Variants in GREB1 observed in about 807,000 individuals in gnomAD.
The protein encoded by GREB1 is protein GREB1.
GREB1 carries 106 observed loss-of-function variants against 200.7 expected under a neutral mutation model. That is an observed-to-expected ratio of 0.53 (90% CI 0.45 to 0.62). The LOEUF is 0.62. Among genes scored for constraint, GREB1 ranks in the 20% least tolerant of loss-of-function variants. The pLI is 0.00. For synonymous variants in GREB1, 1,132 were observed against 1,092.4 expected (o/e 1.04, Z -0.72); for missense variants, 2,243 against 2,556.8 (o/e 0.88, Z 2.65).
intron 10 of GREB1, 38 bp downstream of exon 10, chr2:11,588,969 T>C: frequency 1.3e-6 from 2 of 1,564,188 alleles, no homozygotes; most frequent in Non-Finnish European, 1.8e-6. Flanking sequence ...TGGCAGGGAG[T>C]GGCCACAGCC....
chr2:11,600,441 G>A (rs748747342), intron 15 of GREB1, among the ~76,000 whole-genome samples: 3 of 152,210 alleles, frequency 2.0e-5, no homozygotes, highest in Non-Finnish European at 4.4e-5. Flanking sequence ...GAAGGACTGT[G>A]TAAGGAGATA....
chr2:11,556,449 G>A lies in GREB1; in HGVS notation c.-161-5G>A, dbSNP rs768004847. The A allele has an allele frequency of 5.0e-5, 26 of 525,138 alleles. No homozygotes were observed. In the East Asian group the frequency reaches 5.3e-4, roughly 11 times the overall value. 32.5% of individuals were successfully genotyped at this position (525,138 alleles called of 1,614,324 possible). A position where few individuals can be genotyped will look rare whatever the true frequency, so the allele number is the denominator to read the frequency against. ...CTTATATAACTTCCTGTAATTGCCCGGCAGTAGCTGCAGCTGAGGACAGCC... is the reference window on the plus strand; with the variant it reads ...CTTATATAACTTCCTGTAATTGCCCAGCAGTAGCTGCAGCTGAGGACAGCC... On this transcript the variant is annotated splice_region_variant and splice_polypyrimidine_tract_variant and intron_variant, in intron 1 of 32. Coordinates refer to ENST00000381486, the MANE Select transcript of GREB1 (RefSeq NM_014668.4).
Position 11,627,075 on chromosome 2 carries a change from C to T in GREB1, c.4420C>T (p.Gln1474Ter). Reference protein sequence around the residue: ...NTYHHCEQCHQYMGFHPRYQL... With the variant: ...NTYHHCEQCH ...TTACCACCACTGTGAGCAGTGCCAC[C>T]AGTACATGGGCTTCCACCCCCGCTA... Residue 1474 changes from glutamine (Q) to a stop codon, truncating the protein, a stop_gained, in exon 25 of 33, where the codon CAG (glutamine) becomes TAG (stop). Coordinates refer to ENST00000381486, the MANE Select transcript of GREB1 (RefSeq NM_014668.4). LOFTEE classifies it high-confidence loss of function. The T allele has an allele frequency of 6.2e-7, 1 of 1,611,392 alleles. No homozygotes were observed.
chr2:11,607,477 C>T (rs1280451032), intron 17 of GREB1, among the ~76,000 whole-genome samples: 1 of 144,788 alleles, frequency 6.9e-6, no homozygotes, highest in Non-Finnish European at 1.5e-5. Flanking sequence ...TATATACACA[C>T]ACATACATAT....
intron 4 of GREB1, among the ~76,000 whole-genome samples, chr2:11,568,781 G>A (rs1169977201): frequency 6.6e-6 from 1 of 152,258 alleles, no homozygotes; most frequent in African/African-American, 2.4e-5. Context: ...ATCGAGGAGA[G>A]GAAGTGTAGG....
intron 1 of GREB1, among the ~76,000 whole-genome samples, chr2:11,506,809 A>C (rs895599216): frequency 6.6e-6 from 1 of 152,138 alleles, no homozygotes; most frequent in African/African-American, 2.4e-5. Context: ...GGAGGAGCCA[A>C]CTTCCAGTCC....
intron 7 of GREB1, 169 bp downstream of exon 7, chr2:11,581,001 G>C (rs1343808208): frequency 9.9e-6 from 8 of 809,784 alleles, no homozygotes; most frequent in Non-Finnish European, 1.7e-5. Flanking sequence ...GTGGGTCTGG[G>C]CCCAGGCCCT....
At chr2:11,518,747 CAA>C (rs11417674) in intron 1 of GREB1, among the ~76,000 whole-genome samples, 18 of 102,482 alleles carry the variant, frequency 1.8e-4, no homozygotes, top group South Asian at 3.4e-4. Flanking sequence ...AAGTGAAATA[CAA>C]AAAAAAAAAA....
chr2:11,603,068 C>T (rs140284604), intron 17 of GREB1, among the ~76,000 whole-genome samples: 63 of 152,330 alleles, frequency 4.1e-4, no homozygotes, highest in African/African-American at 1.4e-3. Context: ...TCTCAGGCTA[C>T]GTGTCTAGCA....
chr2:11,505,183 C>T (rs758411494), intron 1 of GREB1, among the ~76,000 whole-genome samples: 2 of 152,114 alleles, frequency 1.3e-5, no homozygotes, highest in South Asian at 2.1e-4. Context: ...CCACCTGCCT[C>T]GGCCTCCCAA....
chr2:11,513,774 T>C (rs1403805661), intron 1 of GREB1, among the ~76,000 whole-genome samples: 1 of 152,152 alleles, frequency 6.6e-6, no homozygotes, highest in Non-Finnish European at 1.5e-5. Context: ...GCCTGGTCCT[T>C]CTTGGTACCG....
At chr2:11,540,176 G>A (rs756759479) in intron 1 of GREB1, 5 of 152,248 alleles carry the variant, frequency 3.3e-5, no homozygotes, top group Non-Finnish European at 7.3e-5. Flanking sequence ...GTTGACTTAC[G>A]AAGACAGCTG....
chr2:11,574,502 C>T (rs1313510099), intron 4 of GREB1, among the ~76,000 whole-genome samples: 4 of 151,932 alleles, frequency 2.6e-5, no homozygotes, highest in African/African-American at 4.8e-5. Context: ...GCAGTGGGAG[C>T]GGGCTGGGTT....
intron 30 of GREB1, among the ~76,000 whole-genome samples, chr2:11,635,625 T>C (rs988661359): frequency 2.0e-5 from 3 of 152,192 alleles, no homozygotes; most frequent in African/African-American, 4.8e-5. Flanking sequence ...TCCTGCAAGC[T>C]TCCTCTGGGT....
At chr2:11,582,623 C>A (rs188825187) in intron 7 of GREB1, among the ~76,000 whole-genome samples, 1 of 152,332 alleles carries the variant, frequency 6.6e-6, no homozygotes, top group East Asian at 1.9e-4. Context: ...ATCGGGGCCT[C>A]GGCGCTGTGC....
intron 15 of GREB1, among the ~76,000 whole-genome samples, chr2:11,599,431 C>G (rs1294411410): frequency 1.3e-5 from 2 of 151,538 alleles, no homozygotes; most frequent in Non-Finnish European, 2.9e-5. Context: ...GCTCAGCCTC[C>G]TGGGTTCATG....
intron 1 of GREB1, among the ~76,000 whole-genome samples, chr2:11,521,283 T>C (rs1183871936): frequency 6.6e-6 from 1 of 152,136 alleles, no homozygotes; most frequent in Non-Finnish European, 1.5e-5. Context: ...CTAATTTTTG[T>C]ATTTTTAGTA....
intron 1 of GREB1, among the ~76,000 whole-genome samples, chr2:11,496,988 G>T (rs972628969): frequency 1.3e-5 from 2 of 151,950 alleles, no homozygotes; most frequent in African/African-American, 2.4e-5. Flanking sequence ...GTAGAGATGG[G>T]GTCTCACTTT....
intron 11 of GREB1, among the ~76,000 whole-genome samples, chr2:11,594,239 G>C (rs1259357396): frequency 6.6e-6 from 1 of 150,676 alleles, no homozygotes; most frequent in Non-Finnish European, 1.5e-5. Flanking sequence ...CAAACTCTTG[G>C]GCTCAAGCAG....
Sources: gnomAD v4.1 joint callset for allele counts (sites outside exome capture counted in the v4.1 genomes callset) on GRCh38, gnomAD v4.1.1 for gene constraint, MANE v1.5 for transcripts, NCBI Gene and HGNC (gene_info 2026-07-23, HGNC 2026-07-21) for gene names.